Variants in RBFOX3 observed in about 807,000 individuals in gnomAD.
RBFOX3 encodes the protein RNA binding protein fox-1 homolog 3.
In RBFOX3, 17 loss-of-function variants were observed where a neutral mutation model predicts 48.7. The observed-to-expected ratio is 0.35, with a 90% CI of 0.24 to 0.52. The LOEUF (loss-of-function observed/expected upper bound fraction) is 0.52, where lower values mean the gene tolerates loss of function less well. Ranked by LOEUF, RBFOX3 falls within the 20% of genes least tolerant of loss-of-function variation. RBFOX3 has a pLI of 0.94. For missense variants in RBFOX3, 382 were observed against 497.5 expected, an observed-to-expected ratio of 0.77 and a Z score of 2.21; for synonymous variants, 212 against 209.5, an observed-to-expected ratio of 1.01 and a Z score of -0.10.
At chr17:79,323,604 TGGA>T (rs2078871345) in intron 2 of RBFOX3, among the ~76,000 whole-genome samples, 1 of 152,226 alleles carries the variant, frequency 6.6e-6, no homozygotes, top group African/African-American at 2.4e-5. Flanking sequence ...CCCACCCAGC[TGGA>T]CCTCCTCCCC....
rs71161660 is a variant in RBFOX3 at position 79,318,854 on chromosome 17, C to CA, written c.-174-11031dup. 4.6e-3 allele frequency among the ~76,000 whole-genome samples: 151 copies of CA among 32,526 alleles called. 33 individuals are homozygous for CA. In the East Asian group the frequency reaches 0.053, roughly 11 times the overall value. The allele number at this position is 32,526 out of a possible 152,430, so 21.3% of individuals were successfully genotyped here. A position where few individuals can be genotyped will look rare whatever the true frequency, so the allele number is the denominator to read the frequency against. Reference sequence around the variant, plus strand: ...TGGGTGACAGAGCGAGACTCCATCTCAAAAAAAAAAAAAAAAAAAAAAAAA... The same window carrying CA: ...TGGGTGACAGAGCGAGACTCCATCTCAAAAAAAAAAAAAAAAAAAAAAAAAA... On this transcript the variant is annotated intron_variant, in intron 2 of 14. Transcript: ENST00000693108.
At chr17:79,307,342 G>A (rs1381329709) in intron 3 of RBFOX3, among the ~76,000 whole-genome samples, 1 of 152,240 alleles carries the variant, frequency 6.6e-6, no homozygotes, top group Non-Finnish European at 1.5e-5. Flanking sequence ...GAGGCGAAAT[G>A]ACATTTCATT....
At chr17:79,378,129 A>T (rs1218079352) in intron 2 of RBFOX3, among the ~76,000 whole-genome samples, 1 of 151,752 alleles carries the variant, frequency 6.6e-6, no homozygotes, top group Non-Finnish European at 1.5e-5. Context: ...TCCATCTCAT[A>T]GGGGGGGCGC....
intron 4 of RBFOX3, among the ~76,000 whole-genome samples, chr17:79,132,228 C>T (rs1330783079): frequency 7.9e-6 from 1 of 126,384 alleles, no homozygotes; most frequent in Non-Finnish European, 1.5e-5. Flanking sequence ...GACTCAGGCA[C>T]AGAGCCCAGG....
At chr17:79,464,997 T>C (rs1311624671) in intron 2 of RBFOX3, among the ~76,000 whole-genome samples, 1 of 152,236 alleles carries the variant, frequency 6.6e-6, no homozygotes, top group African/African-American at 2.4e-5. Context: ...AGCCCCCACC[T>C]GCCACACTGC....
chr17:79,331,486 C>T (rs1482313913), intron 2 of RBFOX3, among the ~76,000 whole-genome samples: 1 of 152,198 alleles, frequency 6.6e-6, no homozygotes, highest in Non-Finnish European at 1.5e-5. Context: ...AAATGTTTCG[C>T]TTCATTCCAG....
intron 1 of RBFOX3, among the ~76,000 whole-genome samples, chr17:79,537,902 T>G (rs370846416): frequency 5.0e-4 from 76 of 152,084 alleles, no homozygotes; most frequent in Middle Eastern, 3.4e-3. Flanking sequence ...GTGGGGGAGA[T>G]GAACACACCT....
chr17:79,154,308 T>C (rs1464105313), intron 4 of RBFOX3, among the ~76,000 whole-genome samples: 2 of 152,116 alleles, frequency 1.3e-5, no homozygotes, highest in East Asian at 1.9e-4. Flanking sequence ...TTCAGAGATG[T>C]CCTCCCTGGC....
At chr17:79,161,956 C>T (rs1299704176) in intron 4 of RBFOX3, among the ~76,000 whole-genome samples, 1 of 152,202 alleles carries the variant, frequency 6.6e-6, no homozygotes, top group African/African-American at 2.4e-5. Context: ...TCGAAGGAGG[C>T]TATGAGGCCC....
chr17:79,241,002 A>G (rs2148004460), intron 3 of RBFOX3, among the ~76,000 whole-genome samples: 1 of 141,924 alleles, frequency 7.0e-6, no homozygotes, highest in African/African-American at 2.7e-5. Context: ...TTTGAGCAGG[A>G]TCTTGCTCTG....
intron 1 of RBFOX3, among the ~76,000 whole-genome samples, chr17:79,604,341 G>A (rs1235974816): frequency 3.3e-5 from 5 of 152,242 alleles, no homozygotes; most frequent in African/African-American, 7.2e-5. Flanking sequence ...TTTTTTGCTC[G>A]GATCTCAAGG....
At chr17:79,314,945 G>C (rs11657933) in intron 2 of RBFOX3, among the ~76,000 whole-genome samples, 91,743 of 151,790 alleles carry the variant, frequency 0.6, 28,598 homozygotes, top group African/African-American at 0.74. Context: ...AGAGAACAAA[G>C]TGTTAGTTAT....
intron 4 of RBFOX3, among the ~76,000 whole-genome samples, chr17:79,222,118 T>TTGATTTCTACCCGCAGCC (rs1600091012): frequency 3.3e-5 from 5 of 149,966 alleles, no homozygotes; most frequent in Admixed American, 2.0e-4. Flanking sequence ...CTACTGCTGC[T>TTGATTTCTACCCGCAGCC]TGATTTCTAC....
intron 3 of RBFOX3, among the ~76,000 whole-genome samples, chr17:79,281,899 C>T (rs760577411): frequency 1.6e-4 from 24 of 152,284 alleles, no homozygotes; most frequent in East Asian, 1.5e-3. Context: ...ATCGGGGAAA[C>T]GAACAAGCCA....
At chr17:79,534,941 C>T (rs1302051753) in intron 1 of RBFOX3, among the ~76,000 whole-genome samples, 3 of 152,146 alleles carry the variant, frequency 2.0e-5, no homozygotes, top group Non-Finnish European at 2.9e-5. Context: ...GGGAGAAATA[C>T]GGGAGAGTCT....
Position 79,097,394 on chromosome 17 carries a change from G to C in RBFOX3, c.653C>G (p.Thr218Arg). The C allele has an allele frequency of 6.5e-7, 1 of 1,548,152 alleles. No homozygotes were observed. Among genetic ancestry groups the C allele is most frequent in the Non-Finnish European group, 8.7e-7 (1 of 1,146,024 alleles). The change falls in exon 11 of 15, where the codon ACA becomes AGA. Residue 218 changes from threonine to arginine, a missense_variant. Coordinates refer to ENST00000693108, the MANE Select transcript of RBFOX3 (RefSeq NM_001350451.2). ...ATGTGCGCCCCGGTAGGCAACGGCT[G>C]TGCCGGTGGTGGGGTAGGGGAACCC... ...VTGFPYPTTGTAVAYRGAHLR... is the reference protein window; with the variant it reads ...VTGFPYPTTGRAVAYRGAHLR...
chr17:79,444,444 A>G (rs2071811870), intron 2 of RBFOX3, among the ~76,000 whole-genome samples: 1 of 152,058 alleles, frequency 6.6e-6, no homozygotes, highest in Non-Finnish European at 1.5e-5. Context: ...GGGCTGAGCA[A>G]CACCCCATGA....
intron 14 of RBFOX3, among the ~76,000 whole-genome samples, chr17:79,093,820 CACACACAG>C (rs1186369934): frequency 2.6e-5 from 4 of 150,980 alleles, no homozygotes; most frequent in African/African-American, 7.3e-5. Flanking sequence ...CACACACACA[CACACACAG>C]AGACACGCCA....
intron 4 of RBFOX3, among the ~76,000 whole-genome samples, chr17:79,217,520 C>T (rs767556360): frequency 6.6e-5 from 10 of 152,164 alleles, no homozygotes; most frequent in East Asian, 3.9e-4. Context: ...AAGAACTGAA[C>T]AAGACCCAGC....
Sources: allele counts gnomAD v4.1 joint callset (sites outside exome capture counted in the v4.1 genomes callset), GRCh38; gene constraint gnomAD v4.1.1; transcripts MANE v1.5; gene names NCBI Gene and HGNC (gene_info 2026-07-23, HGNC 2026-07-21).